FCHO2: variants seen among roughly 807,000 people sequenced by gnomAD.
FCHO2 encodes FCH and mu domain containing endocytic adaptor 2.
Under a neutral mutation model 114.1 loss-of-function variants are expected in FCHO2, and 43 were observed. That is an observed-to-expected ratio of 0.38 (90% CI 0.30 to 0.49). FCHO2 has a LOEUF of 0.49. Among genes scored for constraint, FCHO2 ranks in the 20% least tolerant of loss-of-function variants. The pLI is 0.97. For synonymous variants in FCHO2, 293 were observed against 315.2 expected (o/e 0.93, Z 0.75); for missense variants, 807 against 950.4 (o/e 0.85, Z 1.98).
At chr5:73,037,885 A>T in intron 10 of FCHO2, 1 of 304,744 alleles carries the variant, frequency 3.3e-6, no homozygotes, top group South Asian at 2.4e-5. Flanking sequence ...TCAGCCTCCC[A>T]AGTAGCTGGA....
At chr5:73,016,764 G>A (rs1252310974) in intron 7 of FCHO2, among the ~76,000 whole-genome samples, 1 of 152,036 alleles carries the variant, frequency 6.6e-6, no homozygotes, top group Non-Finnish European at 1.5e-5. Flanking sequence ...GGGTGTGGTG[G>A]TGCATGCCTA....
At chr5:72,997,467 C>T in intron 5 of FCHO2, 1 of 1,574,164 alleles carries the variant, frequency 6.4e-7, no homozygotes, top group Non-Finnish European at 8.7e-7. Flanking sequence ...GTGATCCTGG[C>T]TAACTCTCCA....
At chr5:73,036,291 A>G (rs988575474) in intron 9 of FCHO2, among the ~76,000 whole-genome samples, 2 of 152,170 alleles carry the variant, frequency 1.3e-5, no homozygotes, top group African/African-American at 4.8e-5. Context: ...CATTGTTTGT[A>G]TTAGGGACAA....
At chr5:72,980,105 A>G (rs552822363) in intron 2 of FCHO2, among the ~76,000 whole-genome samples, 13 of 152,252 alleles carry the variant, frequency 8.5e-5, no homozygotes, top group African/African-American at 2.9e-4. Context: ...TTCCCTCTAA[A>G]CACTGTTTCA....
intron 9 of FCHO2, among the ~76,000 whole-genome samples, chr5:73,035,728 C>T (rs1266601235): frequency 6.6e-6 from 1 of 152,004 alleles, no homozygotes; most frequent in Admixed American, 6.6e-5. Context: ...GTCTTGAACT[C>T]CTGAGCTCAA....
rs181550862 is a variant in FCHO2, at chr5:73,088,355, A to T, written c.*265A>T. The stretch of plus-strand genomic sequence containing the variant: ...TCAGTAAAAATGAAGTTTTTGTAGG[A>T]TTAATTTTTAAATTATTTCCAGTGT... On this transcript the variant is annotated 3_prime_UTR_variant, in exon 26 of 26. Coordinates refer to ENST00000430046, the MANE Select transcript of FCHO2 (RefSeq NM_138782.3). 1,421 of 448,820 alleles carry T rather than the reference A, an allele frequency of 3.2e-3. 6 individuals carry two copies. The highest frequency in any genetic ancestry group is 4.0e-3 in the Non-Finnish European group (1,005 of 251,494). The allele number at this position is 448,820 out of a possible 1,614,324, so 27.8% of individuals were successfully genotyped here. A position where few individuals can be genotyped will look rare whatever the true frequency, so the allele number is the denominator to read the frequency against.
chr5:72,956,278 G>A, intron 1 of FCHO2, 149 bp downstream of exon 1: 1 of 1,109,862 alleles, frequency 9.0e-7, no homozygotes. Context: ...AGGTCCGGCG[G>A]GCGACCGGTC....
Position 73,038,159 on chromosome 5 carries a change from T to C in FCHO2, c.914+944T>C, listed in dbSNP as rs374682592. On this transcript the variant is annotated intron_variant, in intron 10 of 25. Transcript: ENST00000430046. Reference sequence around the variant, plus strand: ...ATTAGCTAACTAAAGTTTTTGTTTGTTTGTTTGTTTTTTACTTTGGCTACA... The same window carrying C: ...ATTAGCTAACTAAAGTTTTTGTTTGCTTGTTTGTTTTTTACTTTGGCTACA... 2.1e-4 allele frequency: 32 copies of C among 152,978 alleles called. No homozygotes were observed. The South Asian group carries it at 6.3e-3, about 30-fold the overall frequency. The allele number at this position is 152,978 out of a possible 1,614,324, so 9.5% of individuals were successfully genotyped here.
At chr5:73,021,059 C>T (rs903460659) in intron 8 of FCHO2, 7 of 934,856 alleles carry the variant, frequency 7.5e-6, no homozygotes, top group Admixed American at 3.4e-5. Context: ...TTTACCTGGT[C>T]CTCTCCCTCT....
intron 15 of FCHO2, among the ~76,000 whole-genome samples, chr5:73,055,827 G>T (rs1248415952): frequency 1.3e-5 from 2 of 152,088 alleles, no homozygotes; most frequent in African/African-American, 2.4e-5. Context: ...GAATATCATA[G>T]TTTAATTGAC....
chr5:73,080,082 GGAA>G (rs1289030931), intron 22 of FCHO2, among the ~76,000 whole-genome samples: 5 of 152,054 alleles, frequency 3.3e-5, no homozygotes, highest in Non-Finnish European at 7.4e-5. Context: ...TTAATCTGTG[GGAA>G]AAGTATTTAC....
At chr5:73,046,613 T>G (rs1757073146) in intron 11 of FCHO2, among the ~76,000 whole-genome samples, 1 of 151,998 alleles carries the variant, frequency 6.6e-6, no homozygotes, top group African/African-American at 2.4e-5. Flanking sequence ...GACAAAGTAT[T>G]TTGAAAAAAA....
chr5:72,966,367 C>G (rs933078022), intron 1 of FCHO2, among the ~76,000 whole-genome samples: 2 of 152,106 alleles, frequency 1.3e-5, no homozygotes, highest in Non-Finnish European at 2.9e-5. Flanking sequence ...CCAGGCTGGT[C>G]TTGAACACCT....
chr5:72,965,273 C>G (rs948944227), intron 1 of FCHO2, among the ~76,000 whole-genome samples: 2 of 152,188 alleles, frequency 1.3e-5, no homozygotes, highest in East Asian at 3.8e-4. Context: ...AAGTCACAAA[C>G]TCCTGGTTTT....
intron 1 of FCHO2, among the ~76,000 whole-genome samples, chr5:72,956,768 A>C (rs950624742): frequency 6.6e-6 from 1 of 152,116 alleles, no homozygotes; most frequent in African/African-American, 2.4e-5. Context: ...GCTTAAATGC[A>C]TGGAGACCTC....
At chr5:72,960,431 C>T (rs538247782) in intron 1 of FCHO2, among the ~76,000 whole-genome samples, 61 of 152,072 alleles carry the variant, frequency 4.0e-4, no homozygotes, top group African/African-American at 6.5e-4. Flanking sequence ...TAAAATTGGA[C>T]GCAAAAATAA....
At chr5:73,079,355 G>A (rs185135642) in intron 22 of FCHO2, among the ~76,000 whole-genome samples, 48 of 152,300 alleles carry the variant, frequency 3.2e-4, no homozygotes, top group African/African-American at 1.1e-3. Context: ...TGGAACTAAC[G>A]CAGCAGTAGA....
chr5:72,956,207 G>GGGCGGCGGCGGCGGCCCCTCC, intron 1 of FCHO2, 78 bp downstream of exon 1: 1 of 1,471,894 alleles, frequency 6.8e-7, no homozygotes, highest in Non-Finnish European at 9.1e-7. Context: ...CGTGCGCTTC[G>GGGCGGCGGCGGCGGCCCCTCC]GGCGGCGGCG....
intron 6 of FCHO2, among the ~76,000 whole-genome samples, chr5:73,014,438 G>T (rs1418774720): frequency 6.6e-6 from 1 of 151,492 alleles, no homozygotes; most frequent in Non-Finnish European, 1.5e-5. Context: ...ACAGGCACGC[G>T]CCACCACGCC....
Sources: allele counts gnomAD v4.1 joint callset (sites outside exome capture counted in the v4.1 genomes callset), GRCh38; gene constraint gnomAD v4.1.1; transcripts MANE v1.5; gene names NCBI Gene and HGNC (gene_info 2026-07-23, HGNC 2026-07-21).